Variants in DLG1 observed in about 807,000 individuals in gnomAD.
DLG1 encodes the protein disks large homolog 1.
In DLG1, 42 loss-of-function variants were observed where a neutral mutation model predicts 123.4. That is an observed-to-expected ratio of 0.34 (90% CI 0.27 to 0.44). DLG1 has a LOEUF of 0.44. Ranked by LOEUF, DLG1 falls within the 20% of genes least tolerant of loss-of-function variation. The probability of loss-of-function intolerance (pLI) is 1.00; values close to 1 mark genes in which losing one functional copy is unlikely to be tolerated. For missense variants in DLG1, 942 were observed against 1,082.6 expected, an observed-to-expected ratio of 0.87 and a Z score of 1.82; for synonymous variants, 317 against 356.2, an observed-to-expected ratio of 0.89 and a Z score of 1.24.
intron 4 of DLG1, among the ~76,000 whole-genome samples, chr3:197,274,250 C>T (rs912099986): frequency 6.6e-6 from 1 of 152,128 alleles, no homozygotes; most frequent in Admixed American, 6.6e-5. Context: ...AAAACACACA[C>T]AGACCAACGG....
At chr3:197,066,490 A>G (rs1408963813) in intron 20 of DLG1, among the ~76,000 whole-genome samples, 2 of 152,204 alleles carry the variant, frequency 1.3e-5, no homozygotes, top group African/African-American at 4.8e-5. Flanking sequence ...TTGGGAAATA[A>G]AACACAAATA....
intron 14 of DLG1, among the ~76,000 whole-genome samples, chr3:197,098,005 A>T (rs1761573856): frequency 3.3e-5 from 5 of 152,010 alleles, no homozygotes; most frequent in Non-Finnish European, 7.4e-5. Flanking sequence ...TTTAAATATA[A>T]TTTATTTGTA....
At chr3:197,256,824 G>C (rs1001683238) in intron 4 of DLG1, among the ~76,000 whole-genome samples, 6 of 152,060 alleles carry the variant, frequency 3.9e-5, no homozygotes, top group Non-Finnish European at 5.9e-5. Flanking sequence ...CTTTCTCCAG[G>C]ACTCAAGTTT....
chr3:197,221,753 T>C (rs1008735230), intron 4 of DLG1, among the ~76,000 whole-genome samples: 3 of 152,200 alleles, frequency 2.0e-5, no homozygotes, highest in Non-Finnish European at 2.9e-5. Flanking sequence ...ACACTGTAGA[T>C]TGCTTTGCCC....
chr3:197,215,848 C>T (rs1457043485), intron 4 of DLG1, among the ~76,000 whole-genome samples: 2 of 152,088 alleles, frequency 1.3e-5, no homozygotes, highest in African/African-American at 2.4e-5. Flanking sequence ...AAACAGGGGA[C>T]TTCTAAGGAA....
At chr3:197,119,657 ACTCATCAGCC>A in intron 11 of DLG1, 127 bp from the exon 12 acceptor site, 1 of 972,018 alleles carries the variant, frequency 1.0e-6, no homozygotes, top group Admixed American at 3.5e-5. Flanking sequence ...GAGAAGATTT[ACTCATCAGCC>A]AAAAAACTGG....
intron 6 of DLG1, among the ~76,000 whole-genome samples, chr3:197,147,454 A>G (rs905269090): frequency 2.3e-4 from 34 of 148,948 alleles, no homozygotes; most frequent in African/African-American, 8.6e-4. Context: ...ACACACACAC[A>G]CACACACACA....
At chr3:197,135,562 A>T (rs892754566) in intron 10 of DLG1, among the ~76,000 whole-genome samples, 1 of 152,206 alleles carries the variant, frequency 6.6e-6, no homozygotes, top group Non-Finnish European at 1.5e-5. Context: ...TCTTCATAGC[A>T]GTGTGAAAAC....
chr3:197,059,352 C>T (rs1734184132), intron 23 of DLG1, among the ~76,000 whole-genome samples: 3 of 152,148 alleles, frequency 2.0e-5, no homozygotes, highest in African/African-American at 7.2e-5. Context: ...TTCCCATAGC[C>T]TAATTTTTAA....
chr3:197,085,521 T>G (rs1392960812), intron 16 of DLG1, 59 bp downstream of exon 16: 3 of 1,576,180 alleles, frequency 1.9e-6, no homozygotes, highest in Non-Finnish European at 2.6e-6. Flanking sequence ...TAAAAAAAAT[T>G]TAAAAGAACA....
At chr3:197,176,085 A>C (rs898741325) in intron 5 of DLG1, among the ~76,000 whole-genome samples, 8 of 152,194 alleles carry the variant, frequency 5.3e-5, no homozygotes, top group African/African-American at 1.9e-4. Context: ...AAAGAAGAAT[A>C]AAACACATTT....
At position 197,051,234 on chromosome 3, in the gene DLG1, G is replaced by A. The variant is rs150098662; in HGVS notation, c.2575+343C>T. 6.7e-3 allele frequency among the ~76,000 whole-genome samples: 1,013 copies of A among 152,166 alleles called. 5 individuals are homozygous for A. The highest frequency in any genetic ancestry group is 0.012 in the Non-Finnish European group (808 of 68,000). On this transcript the variant is annotated intron_variant, in intron 24 of 24. Transcript: ENST00000667157. ...ACTAAAAATACAAAATTAGCTGGGC[G>A]TGGTGGCAGGTGCCTGTAATCCCAG...
chr3:197,140,205 A>G lies in DLG1; in HGVS notation c.648T>C (p.Asp216=). ...AGGTDNPHIG[D]DSSIFITKII... The stretch of plus-strand genomic sequence containing the variant: ...TTTTGGTAATGAAAATACTTGAGTC[A>G]TCTCCAATGTGTGGGTTGTCCGTAC... Residue 216 remains aspartate (D), a synonymous_variant, in exon 8 of 25, where the codon GAT becomes GAC. Transcript: ENST00000667157. 1 of 1,613,746 alleles carries G rather than the reference A, an allele frequency of 6.2e-7. No individual in the cohort carries two copies.
intron 4 of DLG1, among the ~76,000 whole-genome samples, chr3:197,245,804 AG>A (rs1266818995): frequency 6.9e-6 from 1 of 145,846 alleles, no homozygotes; most frequent in Admixed American, 7.2e-5. Context: ...AGGAAAAAGC[AG>A]TTTGTTTGGC....
chr3:197,231,838 A>T (rs536765244), intron 4 of DLG1, among the ~76,000 whole-genome samples: 1 of 152,338 alleles, frequency 6.6e-6, no homozygotes, highest in South Asian at 2.1e-4. Context: ...TCTTGATCAA[A>T]CTGCACTACC....
intron 5 of DLG1, among the ~76,000 whole-genome samples, chr3:197,171,576 AGT>A (rs1484429720): frequency 5.3e-5 from 8 of 152,202 alleles, no homozygotes; most frequent in Non-Finnish European, 1.5e-5. Context: ...CATGAGTACA[AGT>A]GTGTTAGTTC....
chr3:197,234,665 A>G (rs920694652), intron 4 of DLG1, among the ~76,000 whole-genome samples: 3 of 152,204 alleles, frequency 2.0e-5, no homozygotes, highest in African/African-American at 7.2e-5. Context: ...ACAAAGAAAG[A>G]GGGCTGTATG....
At chr3:197,241,656 C>A (rs1203700394) in intron 4 of DLG1, among the ~76,000 whole-genome samples, 1 of 152,016 alleles carries the variant, frequency 6.6e-6, no homozygotes, top group Non-Finnish European at 1.5e-5. Context: ...AATAGATAAA[C>A]TGAGACAATT....
intron 24 of DLG1, among the ~76,000 whole-genome samples, chr3:197,045,513 G>A (rs920018831): frequency 5.3e-5 from 8 of 151,994 alleles, no homozygotes; most frequent in African/African-American, 1.9e-4. Context: ...GGCTGAAGTG[G>A]GAGGGTTGCT....
Sources: gnomAD v4.1 joint callset for allele counts (sites outside exome capture counted in the v4.1 genomes callset) on GRCh38, gnomAD v4.1.1 for gene constraint, MANE v1.5 for transcripts, NCBI Gene and HGNC (gene_info 2026-07-23, HGNC 2026-07-21) for gene names.